CRYBG3: variants seen among roughly 807,000 people sequenced by gnomAD.
CRYBG3 encodes the protein very large A-kinase anchor protein.
CRYBG3 carries 127 observed loss-of-function variants against 244.2 expected under a neutral mutation model. The observed-to-expected ratio is 0.52, with a 90% CI of 0.45 to 0.60. The LOEUF (loss-of-function observed/expected upper bound fraction) is 0.60. CRYBG3 is among the 20% of genes least tolerant of loss of function. CRYBG3 has a pLI of 0.00. For missense variants in CRYBG3, 3,325 were observed against 3,442.5 expected (o/e 0.97, Z 0.85); for synonymous variants, 1,132 against 1,195.8 (o/e 0.95, Z 1.10).
At position 97,877,731 on chromosome 3, in the gene CRYBG3, C is replaced by T; in HGVS notation, c.6537C>T (p.Ser2179=). ...TTACCTTCCAGTTGCCAGATCCTTCCATCACATTTTACCCTGATGACCAGG... is the reference window on the plus strand; with the variant it reads ...TTACCTTCCAGTTGCCAGATCCTTCTATCACATTTTACCCTGATGACCAGG... ...ERVTFQLPDP[S]ITFYPDDQES... is the part of the protein sequence containing the mutation. The change falls in exon 4 of 22, where the codon TCC becomes TCT. Residue 2179 remains serine, a synonymous_variant. Coordinates refer to ENST00000389622, the MANE Select transcript of CRYBG3 (RefSeq NM_153605.4). 1 of 1,614,102 alleles carries T rather than the reference C, an allele frequency of 6.2e-7. No homozygotes were observed. The highest frequency in any genetic ancestry group is 8.5e-7 in the Non-Finnish European group (1 of 1,180,010).
chr3:97,873,445 A>C lies in CRYBG3; in HGVS notation c.2251A>C (p.Ser751Arg), dbSNP rs1441185397. 6 of 1,535,202 alleles carry C rather than the reference A, an allele frequency of 3.9e-6. No individual in the cohort carries two copies. The African/African-American group carries it at 6.9e-5, about 18-fold the overall frequency. The change falls in exon 4 of 22, where the codon AGT becomes CGT. Residue 751 changes from serine (S) to arginine (R), a missense_variant. Around this residue, in one of 4 missense-constraint regions of CRYBG3, gnomAD observed 1,526 missense variants for 1,443.2 expected, o/e 1.06. Coordinates refer to ENST00000389622, the MANE Select transcript of CRYBG3 (RefSeq NM_153605.4). Reference protein sequence around the residue: ...KCQVLPGSEASGPHLTGLELL... With the variant: ...KCQVLPGSEARGPHLTGLELL... ...CCAGGTTCTTCCAGGTTCTGAAGCC[A>C]GTGGCCCTCACTTAACTGGGTTGGA...
At chr3:97,896,822 C>T (rs903348165) in intron 12 of CRYBG3, among the ~76,000 whole-genome samples, 3 of 152,108 alleles carry the variant, frequency 2.0e-5, no homozygotes, top group Non-Finnish European at 2.9e-5. Flanking sequence ...AAGAATTACA[C>T]GGTCCCCAGT....
intron 21 of CRYBG3, 42 bp downstream of exon 21, chr3:97,942,485 A>T (rs2040254229): frequency 6.6e-7 from 1 of 1,525,228 alleles, no homozygotes; most frequent in Admixed American, 1.8e-5. Flanking sequence ...CCTGGATATT[A>T]GTTTCAGTTC....
Position 97,889,383 on chromosome 3 carries a change from A to C in CRYBG3, c.7433A>C (p.Asn2478Thr). Residue 2478 changes from asparagine to threonine, a missense_variant, in exon 10 of 22, where the codon AAC becomes ACC. By Grantham distance (65) the Asn-to-Thr change is moderately conservative. Around this residue, in one of 4 missense-constraint regions of CRYBG3, gnomAD observed 714 missense variants for 803.6 expected, o/e 0.89. Transcript: ENST00000389622. ...MGGLKVEMPMNLKVIIYEKPH... is the reference protein window; with the variant it reads ...MGGLKVEMPMTLKVIIYEKPH... ...GGACTGAAAGTGGAAATGCCCATGA[A>C]CTTAAAGGTAAGTCTTGGACTGATT... The C allele has an allele frequency of 1.2e-6, 2 of 1,609,186 alleles. No individual in the cohort carries two copies. Among genetic ancestry groups the C allele is most frequent in the Non-Finnish European group, 1.7e-6 (2 of 1,175,704 alleles).
intron 12 of CRYBG3, among the ~76,000 whole-genome samples, chr3:97,896,328 G>C (rs2039640119): frequency 6.6e-6 from 1 of 152,030 alleles, no homozygotes; most frequent in African/African-American, 2.4e-5. Context: ...TAGATGCCAG[G>C]AGTGGCCAGA....
intron 14 of CRYBG3, among the ~76,000 whole-genome samples, chr3:97,900,225 G>T (rs892472513): frequency 6.6e-6 from 1 of 152,142 alleles, no homozygotes; most frequent in Admixed American, 6.5e-5. Flanking sequence ...GCACATGACT[G>T]TAGTCCCAGC....
intron 3 of CRYBG3, among the ~76,000 whole-genome samples, chr3:97,871,369 G>A (rs189458796): frequency 1.5e-4 from 23 of 152,244 alleles, no homozygotes; most frequent in East Asian, 1.9e-4. Flanking sequence ...TCCAAGTTAC[G>A]TGCTAAACAT....
At position 97,873,683 on chromosome 3, in the gene CRYBG3, C is replaced by G. The variant is rs755335972; in HGVS notation, c.2489C>G (p.Ser830Cys). 7.8e-6 allele frequency: 12 copies of G among 1,535,666 alleles called. No individual in the cohort carries two copies. The highest frequency in any genetic ancestry group is 2.0e-5 in the Admixed American group (1 of 50,948). The change falls in exon 4 of 22, where the codon TCT (serine) becomes TGT (cysteine). Residue 830 changes from serine to cysteine, a missense_variant. Ser to Cys is a moderately radical substitution (Grantham distance 112, BLOSUM62 -1). Transcript: ENST00000389622. Reference protein sequence around the residue: ...GQNNVLVESHSGRGKTISLSK... With the variant: ...GQNNVLVESHCGRGKTISLSK... ...AACAATGTTCTTGTGGAGTCACATTCTGGAAGAGGAAAAACTATATCCTTG... is the reference window on the plus strand; with the variant it reads ...AACAATGTTCTTGTGGAGTCACATTGTGGAAGAGGAAAAACTATATCCTTG...
intron 19 of CRYBG3, among the ~76,000 whole-genome samples, chr3:97,937,849 A>G (rs189974762): frequency 5.3e-4 from 80 of 152,258 alleles, no homozygotes; most frequent in Admixed American, 2.3e-3. Flanking sequence ...AATGGAAAAT[A>G]TAAAGATAGA....
intron 17 of CRYBG3, among the ~76,000 whole-genome samples, chr3:97,929,344 ATC>A (rs1430763293): frequency 6.6e-6 from 1 of 151,812 alleles, no homozygotes. Flanking sequence ...TTAATAGTTG[ATC>A]TCTCTTCCTA....
In CRYBG3 at chr3:97,872,539, G is replaced by A; in HGVS notation, c.1345G>A (p.Glu449Lys). ...CSKSDGSDTT[E>K]QESTNLPSPN... ...TAAATCTGATGGGAGTGACACTACTGAGCAGGAAAGTACAAATTTGCCAAG... is the reference window on the plus strand; with the variant it reads ...TAAATCTGATGGGAGTGACACTACTAAGCAGGAAAGTACAAATTTGCCAAG... Residue 449 changes from glutamate to lysine, a missense_variant, in exon 4 of 22, where the codon GAG (glutamate) becomes AAG (lysine). Around this residue, in one of 4 missense-constraint regions of CRYBG3, gnomAD observed 1,526 missense variants for 1,443.2 expected, o/e 1.06. Transcript: ENST00000389622. The A allele has an allele frequency of 6.5e-7, 1 of 1,535,922 alleles. No individual in the cohort carries two copies.
chr3:97,822,938 A>G (rs1034950137), intron 1 of CRYBG3, among the ~76,000 whole-genome samples: 1 of 152,236 alleles, frequency 6.6e-6, no homozygotes, highest in African/African-American at 2.4e-5. Flanking sequence ...TGCGTTCCCA[A>G]GACTTTCACC....
At chr3:97,857,927 A>C (rs903062466) in intron 2 of CRYBG3, among the ~76,000 whole-genome samples, 2 of 152,036 alleles carry the variant, frequency 1.3e-5, no homozygotes, top group African/African-American at 4.8e-5. Context: ...GTGGTTTTCT[A>C]TCATGATGAG....
intron 3 of CRYBG3, among the ~76,000 whole-genome samples, chr3:97,864,913 A>G (rs2039205984): frequency 6.6e-6 from 1 of 152,058 alleles, no homozygotes; most frequent in Non-Finnish European, 1.5e-5. Flanking sequence ...TGTTGCTTAG[A>G]TTCTTCCTGT....
chr3:97,917,217 A>G (rs2039937992), intron 17 of CRYBG3, among the ~76,000 whole-genome samples: 1 of 150,282 alleles, frequency 6.7e-6, no homozygotes, highest in Admixed American at 6.7e-5. Context: ...CATGAAGTGT[A>G]AAATGAAAAA....
chr3:97,929,964 C>T (rs1373961135), intron 17 of CRYBG3, among the ~76,000 whole-genome samples: 4 of 152,104 alleles, frequency 2.6e-5, no homozygotes, highest in Admixed American at 1.3e-4. Context: ...AATTTAATGG[C>T]GTTTCAGTGA....
In CRYBG3 at chr3:97,868,795, A is replaced by G. The variant is rs189702963; in HGVS notation, c.648-3047A>G. On this transcript the variant is annotated intron_variant, in intron 3 of 21. Coordinates refer to ENST00000389622, the MANE Select transcript of CRYBG3 (RefSeq NM_153605.4). ...ATCAAAAGTTGCATTGATGCAGGAT[A>G]AAATGCTTTGAGGTTTGATTAAGAG... Among the ~76,000 whole-genome samples the G allele has an allele frequency of 1.7e-4, 26 of 152,286 alleles. No homozygotes were observed. In the East Asian group the frequency reaches 4.8e-3, roughly 28 times the overall value.
At chr3:97,848,805 G>A (rs1025220526) in intron 2 of CRYBG3, among the ~76,000 whole-genome samples, 5 of 152,056 alleles carry the variant, frequency 3.3e-5, no homozygotes, top group Non-Finnish European at 7.4e-5. Context: ...ATTTTTATAC[G>A]TCTCTTTTTC....
intron 15 of CRYBG3, among the ~76,000 whole-genome samples, chr3:97,908,840 T>C (rs1235524630): frequency 6.6e-6 from 1 of 152,192 alleles, no homozygotes; most frequent in Non-Finnish European, 1.5e-5. Flanking sequence ...TTCTTCCTAG[T>C]CTGGATGGTC....
Sources: gnomAD v4.1 joint callset for allele counts (sites outside exome capture counted in the v4.1 genomes callset) on GRCh38, gnomAD v4.1.1 for gene constraint, gnomAD v4.1.1 regional missense constraint, MANE v1.5 for transcripts, NCBI Gene and HGNC (gene_info 2026-07-23, HGNC 2026-07-21) for gene names.